The following ARHGAP12 variants were observed in gnomAD, a reference collection of about 807,000 sequenced individuals.
The protein encoded by ARHGAP12 is Rho GTPase activating protein 12.
In ARHGAP12, 64 loss-of-function variants were observed where a neutral mutation model predicts 108.6. That is an observed-to-expected ratio of 0.59 (90% CI 0.48 to 0.73). The LOEUF is 0.73. Ranked by LOEUF, ARHGAP12 falls within the 30% of genes least tolerant of loss-of-function variation. ARHGAP12 has a pLI of 0.00. For synonymous variants in ARHGAP12, 312 were observed against 337.2 expected (o/e 0.93, Z 0.82); for missense variants, 940 against 1,005.9 (o/e 0.93, Z 0.89).
intron 4 of ARHGAP12, among the ~76,000 whole-genome samples, chr10:31,854,856 C>T (rs552240371): frequency 6.6e-6 from 1 of 150,802 alleles, no homozygotes; most frequent in African/African-American, 2.4e-5. Context: ...GGGCCAGGAA[C>T]GGTGGCTCAC....
In ARHGAP12 at chr10:31,814,278, C is replaced by G; in HGVS notation, c.1815G>C (p.Lys605Asn). 1 of 1,613,942 alleles carries G rather than the reference C, an allele frequency of 6.2e-7. No individual in the cohort carries two copies. Among genetic ancestry groups the G allele is most frequent in the Non-Finnish European group, 8.5e-7 (1 of 1,179,902 alleles). The change falls in exon 14 of 20, where the codon AAG becomes AAC. Residue 605 changes from lysine to asparagine, a missense_variant. Physicochemically the swap from Lys to Asn is moderately conservative, Grantham distance 94. Transcript: ENST00000344936. ...ACTTACAACGAAGCTTTTTGGGATC[C>G]TTTTGTTCCTTTTCTTTATCATGCT... ...IEKHDKEKEQ[K>N]DPKKLRSFKV...
At chr10:31,807,939 C>A in intron 19 of ARHGAP12, 107 bp from the exon 20 acceptor site, 2 of 819,438 alleles carry the variant, frequency 2.4e-6, no homozygotes, top group Non-Finnish European at 3.5e-6. Flanking sequence ...AGAAGTAATA[C>A]TTATTTTCCT....
chr10:31,894,360 G>A (rs543410228), intron 3 of ARHGAP12, among the ~76,000 whole-genome samples: 153 of 152,112 alleles, frequency 1.0e-3, no homozygotes, highest in African/African-American at 3.4e-3. Flanking sequence ...CATCGTCTCA[G>A]CCCAAAATCT....
chr10:31,808,582 T>C, intron 19 of ARHGAP12, 67 bp downstream of exon 19: 1 of 1,410,712 alleles, frequency 7.1e-7, no homozygotes, highest in Non-Finnish European at 9.9e-7. Context: ...TGAGTGACCC[T>C]GGCCCCACAG....
At chr10:31,839,923 C>T (rs2808095) in intron 7 of ARHGAP12, among the ~76,000 whole-genome samples, 114,449 of 151,956 alleles carry the variant, frequency 0.75, 44,200 homozygotes, top group African/African-American at 0.93. Flanking sequence ...ATAGCAATTA[C>T]AGTTAAATTT....
At chr10:31,898,287 T>C (rs1015200760) in intron 3 of ARHGAP12, among the ~76,000 whole-genome samples, 58 of 152,278 alleles carry the variant, frequency 3.8e-4, no homozygotes, top group Non-Finnish European at 1.6e-4. Context: ...GGAAAATATA[T>C]AAATAGCAAA....
intron 11 of ARHGAP12, among the ~76,000 whole-genome samples, chr10:31,821,908 T>C (rs549263826): frequency 3.9e-5 from 6 of 152,318 alleles, no homozygotes; most frequent in East Asian, 1.9e-4. Flanking sequence ...AAATGATGTA[T>C]TGCAAATGTT....
At chr10:31,859,452 G>A (rs1228220454) in intron 4 of ARHGAP12, among the ~76,000 whole-genome samples, 2 of 137,484 alleles carry the variant, frequency 1.5e-5, no homozygotes, top group Non-Finnish European at 3.2e-5. Flanking sequence ...AAATATGAGA[G>A]GAGAAGACAG....
chr10:31,876,895 A>T (rs1837753308), intron 3 of ARHGAP12, among the ~76,000 whole-genome samples: 6 of 152,190 alleles, frequency 3.9e-5, no homozygotes, highest in Admixed American at 3.9e-4. Flanking sequence ...TCAGTTCAGA[A>T]TTTTTAGAAA....
chr10:31,868,042 A>T (rs1984287), intron 3 of ARHGAP12, among the ~76,000 whole-genome samples: 70,039 of 151,866 alleles, frequency 0.46, 16,437 homozygotes, highest in Middle Eastern at 0.51. Context: ...TCTACTAAAA[A>T]TACAAAAATT....
intron 3 of ARHGAP12, among the ~76,000 whole-genome samples, chr10:31,883,328 T>C (rs958581829): frequency 5.3e-5 from 8 of 152,190 alleles, no homozygotes; most frequent in African/African-American, 1.7e-4. Context: ...TTTTAAGACT[T>C]ACATTAATTA....
At chr10:31,880,484 A>C (rs1837904300) in intron 3 of ARHGAP12, among the ~76,000 whole-genome samples, 1 of 146,044 alleles carries the variant, frequency 6.8e-6, no homozygotes, top group Non-Finnish European at 1.5e-5. Context: ...AAAAAAAAAC[A>C]CTTTTGTTTA....
intron 10 of ARHGAP12, among the ~76,000 whole-genome samples, chr10:31,828,825 A>G (rs189973420): frequency 9.2e-5 from 14 of 152,290 alleles, no homozygotes; most frequent in Admixed American, 6.5e-4. Context: ...AAGAAAACAA[A>G]TAATATTATT....
intron 1 of ARHGAP12, among the ~76,000 whole-genome samples, chr10:31,927,239 T>TACTGTGCGAGG (rs145613135): frequency 1.3e-5 from 2 of 151,594 alleles, no homozygotes; most frequent in Non-Finnish European, 2.9e-5. Flanking sequence ...AAAATAAAAA[T>TACTGTGCGAGG]AGCCAAAATG....
intron 3 of ARHGAP12, among the ~76,000 whole-genome samples, chr10:31,904,555 G>A (rs1839048091): frequency 6.6e-6 from 1 of 152,140 alleles, no homozygotes; most frequent in Non-Finnish European, 1.5e-5. Flanking sequence ...CCCTGATCGT[G>A]ATATTACAGT....
At chr10:31,853,425 T>C (rs1044686581) in intron 5 of ARHGAP12, among the ~76,000 whole-genome samples, 1 of 152,120 alleles carries the variant, frequency 6.6e-6, no homozygotes, top group Non-Finnish European at 1.5e-5. Context: ...AGACTACATA[T>C]TGCTAATACA....
At chr10:31,853,332 C>T (rs1836768568) in intron 5 of ARHGAP12, among the ~76,000 whole-genome samples, 1 of 152,150 alleles carries the variant, frequency 6.6e-6, no homozygotes, top group African/African-American at 2.4e-5. Flanking sequence ...GGAATTACTT[C>T]CTATGGCCAA....
Position 31,915,261 on chromosome 10 carries a change from C to T in ARHGAP12, c.-110-4698G>A, listed in dbSNP as rs188115040. On this transcript the variant is annotated intron_variant, in intron 1 of 19. Transcript: ENST00000344936. ...ATTAGCCAGGCGTGGTAGCGCATGCCTGTAATCTCAGCTACTTGGGAGGCT... is the reference window on the plus strand; with the variant it reads ...ATTAGCCAGGCGTGGTAGCGCATGCTTGTAATCTCAGCTACTTGGGAGGCT... 4.4e-3 allele frequency among the ~76,000 whole-genome samples: 672 copies of T among 152,112 alleles called. 9 individuals are homozygous for T. The highest frequency in any genetic ancestry group is 0.016 in the African/African-American group (662 of 41,476).
At chr10:31,840,538 AT>A (rs1836222937) in intron 7 of ARHGAP12, among the ~76,000 whole-genome samples, 1 of 152,066 alleles carries the variant, frequency 6.6e-6, no homozygotes, top group Non-Finnish European at 1.5e-5. Flanking sequence ...GAAAAAGAGA[AT>A]TTTTTAAATC....
Sources: allele counts gnomAD v4.1 joint callset (sites outside exome capture counted in the v4.1 genomes callset), GRCh38; gene constraint gnomAD v4.1.1; transcripts MANE v1.5; gene names NCBI Gene and HGNC (gene_info 2026-07-23, HGNC 2026-07-21).